Variants in ZNF582 observed in about 807,000 individuals in gnomAD.
The protein encoded by ZNF582 is zinc finger protein 582.
A neutral mutation model predicts 12.3 loss-of-function variants in ZNF582; 14 were observed. That is an observed-to-expected ratio of 1.14 (90% CI 0.75 to 1.78). The LOEUF is 1.78. ZNF582 is among the 40% of genes most tolerant of loss of function. ZNF582 has a pLI of 0.00. For synonymous variants in ZNF582, 210 were observed against 207.2 expected, an observed-to-expected ratio of 1.01 and a Z score of -0.11; for missense variants, 567 against 616.5, an observed-to-expected ratio of 0.92 and a Z score of 0.85.
At chr19:56,393,455 G>C (rs772903163) in exon 1 of ZNF582, 2 of 523,730 alleles carry the variant, frequency 3.8e-6, no homozygotes, top group East Asian at 1.1e-4. Context: ...CCGCCTCCTC[G>C]GGTCCAAGTG....
At chr19:56,385,506 C>G (rs928722282) in intron 4 of ZNF582, among the ~76,000 whole-genome samples, 1 of 152,042 alleles carries the variant, frequency 6.6e-6, no homozygotes, top group Non-Finnish European at 1.5e-5. Flanking sequence ...AGCAACACAG[C>G]AAGACCCCAT....
chr19:56,393,023 T>C (rs949809407), intron 1 of ZNF582, among the ~76,000 whole-genome samples, 197 bp downstream of exon 1: 3 of 152,038 alleles, frequency 2.0e-5, no homozygotes, highest in Non-Finnish European at 2.9e-5. Flanking sequence ...TTGCTGGACA[T>C]AGAATTTGAA....
At position 56,393,404 on chromosome 19, in the gene ZNF582, G is replaced by A. The variant is rs1338045984; in HGVS notation, c.-265C>T. The A allele has an allele frequency of 5.0e-6, 3 of 602,516 alleles. No homozygotes were observed. The African/African-American group carries it at 5.6e-5, about 11-fold the overall frequency. 37.3% of individuals were successfully genotyped at this position (602,516 alleles called of 1,614,324 possible). A position where few individuals can be genotyped will look rare whatever the true frequency, so the allele number is the denominator to read the frequency against. The stretch of plus-strand genomic sequence containing the variant: ...ACCGGCCCGGGCACCAGCTCCTGCT[G>A]GACCCCAGAGCGCCTGGAAAGCTCC... On this transcript the variant is annotated 5_prime_UTR_variant, in exon 1 of 5. Coordinates refer to ENST00000586929, the Ensembl canonical transcript of ZNF582.
chr19:56,384,765 C>T lies in ZNF582; in HGVS notation c.652G>A (p.Glu218Lys), dbSNP rs780048070. Residue 218 changes from glutamate (E) to lysine (K), a missense_variant, in exon 5 of 5, where the codon GAG becomes AAG. Coordinates refer to ENST00000586929, the Ensembl canonical transcript of ZNF582. ...GGTTTCTTACCAGAATGAATATTCT[C>T]ATGTTGAATTAGTCGTGAGCCATAT... The T allele has an allele frequency of 8.8e-6, 14 of 1,598,524 alleles. No individual in the cohort carries two copies. Among genetic ancestry groups the T allele is most frequent in the Non-Finnish European group, 5.1e-6 (6 of 1,173,454 alleles).
exon 5 of ZNF582, chr19:56,385,021 C>T: frequency 1.2e-6 from 2 of 1,614,088 alleles, no homozygotes; most frequent in Non-Finnish European, 1.7e-6. Flanking sequence ...CTGGATTTCC[C>T]TGTTGTCTGT....
At position 56,387,025 on chromosome 19, in the gene ZNF582, A is replaced by G. The variant is rs906234647; in HGVS notation, c.233-1841T>C. Among the ~76,000 whole-genome samples the G allele has an allele frequency of 7.9e-5, 12 of 152,356 alleles. 1 individual carries two copies. The East Asian group carries it at 2.3e-3, about 29-fold the overall frequency. ...TAACCCTTAAACGTTTATGTTCATG[A>G]TAATTCTGTTGAGACTTCTGGCTAA... On this transcript the variant is annotated intron_variant, in intron 4 of 4. Coordinates refer to ENST00000586929, the Ensembl canonical transcript of ZNF582.
intron 4 of ZNF582, among the ~76,000 whole-genome samples, chr19:56,388,065 C>A (rs1568786219): frequency 6.7e-6 from 1 of 150,266 alleles, no homozygotes; most frequent in Non-Finnish European, 1.5e-5. Flanking sequence ...ATTGTGTGGA[C>A]TTCTTCTGTA....
At chr19:56,387,872 C>T (rs1480138275) in intron 4 of ZNF582, among the ~76,000 whole-genome samples, 1 of 152,234 alleles carries the variant, frequency 6.6e-6, no homozygotes, top group Admixed American at 6.5e-5. Flanking sequence ...GACTTTTATG[C>T]TTCTCCTTTT....
At chr19:56,390,088 C>G in exon 4 of ZNF582, 1 of 1,613,512 alleles carries the variant, frequency 6.2e-7, no homozygotes, top group Non-Finnish European at 8.5e-7. Context: ...GGTTTGGAAA[C>G]GGCAAGACCT....
exon 5 of ZNF582, chr19:56,384,688 T>C (rs2041949551): frequency 2.5e-6 from 4 of 1,612,884 alleles, no homozygotes; most frequent in African/African-American, 1.3e-5. Context: ...TCTGATGTTG[T>C]ATAAAATTTG....
rs775179376 is a variant in ZNF582, at chr19:56,384,530, G to T, written c.887C>A (p.Ser296Ter). The stretch of plus-strand genomic sequence containing the variant: ...AATTCTATAATGTACTTTAAGATGT[G>T]AGATCCGATTGAAGGCCTTGCCACA... Residue 296 changes from serine (S) to a stop codon, truncating the protein, a stop_gained, in exon 5 of 5, where the codon TCA (serine) becomes TAA (stop). Coordinates refer to ENST00000586929, the Ensembl canonical transcript of ZNF582. LOFTEE classifies it low-confidence loss of function (END_TRUNC). The T allele has an allele frequency of 6.2e-7, 1 of 1,613,814 alleles. No homozygotes were observed. The highest frequency in any genetic ancestry group is 8.5e-7 in the Non-Finnish European group (1 of 1,179,896).
intron 4 of ZNF582, chr19:56,386,574 A>G (rs1206491991): frequency 6.6e-6 from 1 of 152,330 alleles, no homozygotes; most frequent in African/African-American, 2.4e-5. Flanking sequence ...GCTGAATGCT[A>G]TAATGGACTG....
intron 1 of ZNF582, among the ~76,000 whole-genome samples, chr19:56,392,808 C>CTGTAAAGGAGTTATAAAGA (rs1183674674): frequency 5.9e-5 from 9 of 152,222 alleles, no homozygotes; most frequent in Non-Finnish European, 1.0e-4. Flanking sequence ...AAGAAGTACT[C>CTGTAAAGGAGTTATAAAGA]TGTAAAGGAG....
chr19:56,385,009 G>A, exon 5 of ZNF582: 3 of 1,614,114 alleles, frequency 1.9e-6, no homozygotes, highest in Non-Finnish European at 2.5e-6. Flanking sequence ...GGAAATGTCT[G>A]TCTGGATTTC....
intron 2 of ZNF582, 90 bp from the exon 3 acceptor site, chr19:56,390,591 G>A: frequency 7.0e-7 from 1 of 1,437,548 alleles, no homozygotes; most frequent in East Asian, 2.3e-5. Flanking sequence ...GGGAGGGGGG[G>A]TTGTTTTGTT....
At chr19:56,388,171 G>A (rs1164019978) in intron 4 of ZNF582, 1 of 152,122 alleles carries the variant, frequency 6.6e-6, no homozygotes, top group Non-Finnish European at 1.5e-5. Flanking sequence ...AAAGAACCCA[G>A]GAGCCAGTTT....
chr19:56,391,640 T>A lies in ZNF582; in HGVS notation c.9+104A>T, dbSNP rs893290082. ...AGAGGAGACTCCTGCCTGGTCCTTT[T>A]ATTCCCTAAAATGGGAAAGTCTGAG... On this transcript the variant is annotated intron_variant, in intron 2 of 4. Transcript: ENST00000586929. 4 of 999,856 alleles carry A rather than the reference T, an allele frequency of 4.0e-6. No homozygotes were observed. In the African/African-American group the frequency reaches 6.4e-5, roughly 16 times the overall value. 61.9% of individuals were successfully genotyped at this position (999,856 alleles called of 1,614,324 possible).
chr19:56,384,218 C>G (rs770610564), exon 5 of ZNF582: 29 of 1,613,534 alleles, frequency 1.8e-5, no homozygotes, highest in Non-Finnish European at 2.5e-5. Context: ...GGCCCTACCA[C>G]ATACCTTACA....
At chr19:56,389,567 T>C (rs1423517849) in intron 4 of ZNF582, among the ~76,000 whole-genome samples, 1 of 152,090 alleles carries the variant, frequency 6.6e-6, no homozygotes, top group Non-Finnish European at 1.5e-5. Flanking sequence ...CAGTAACTAA[T>C]GAGTACTAGG....
Sources: allele counts gnomAD v4.1 joint callset (sites outside exome capture counted in the v4.1 genomes callset), GRCh38; gene constraint gnomAD v4.1.1; transcripts MANE v1.5; gene names NCBI Gene and HGNC (gene_info 2026-07-23, HGNC 2026-07-21).